DNAH8: variants seen among roughly 807,000 people sequenced by gnomAD.
The protein encoded by DNAH8 is dynein axonemal heavy chain 8.
Under a neutral mutation model 562.1 loss-of-function variants are expected in DNAH8, and 382 were observed. That is an observed-to-expected ratio of 0.68 (90% confidence interval 0.63 to 0.74). DNAH8 has a LOEUF of 0.74. Ranked by LOEUF, DNAH8 falls within the 30% of genes least tolerant of loss-of-function variation. The pLI is 0.00. For missense variants in DNAH8, 5,203 were observed against 5,620.4 expected, an observed-to-expected ratio of 0.93 and a Z score of 2.37; for synonymous variants, 1,881 against 1,919.4, an observed-to-expected ratio of 0.98 and a Z score of 0.52.
chr6:38,973,267 A>T (rs1430406866), intron 83 of DNAH8, among the ~76,000 whole-genome samples: 1 of 152,202 alleles, frequency 6.6e-6, no homozygotes, highest in Admixed American at 6.5e-5. Flanking sequence ...AACTATGAAT[A>T]ACTGTGAACC....
At chr6:38,968,139 T>C (rs937375862) in intron 82 of DNAH8, among the ~76,000 whole-genome samples, 2 of 151,990 alleles carry the variant, frequency 1.3e-5, no homozygotes, top group Non-Finnish European at 2.9e-5. Context: ...TACACAAAAA[T>C]TAACTCAAAA....
Position 39,023,267 on chromosome 6 carries a change from C to T in DNAH8, c.13715-3279C>T, listed in dbSNP as rs768434750. ...CAGCACTTTGGGAGGCCGAGGCAGG[C>T]GGATCACGAGGTCAGGAGATCGAGA... On this transcript the variant is annotated intron_variant, in intron 91 of 92. Coordinates refer to ENST00000327475, the MANE Select transcript of DNAH8 (RefSeq NM_001206927.2). Among the ~76,000 whole-genome samples the T allele has an allele frequency of 1.2e-3, 181 of 152,142 alleles. 1 individual carries two copies. Among genetic ancestry groups the T allele is most frequent in the Admixed American group, 3.7e-3 (57 of 15,294 alleles).
rs35716203 is a variant in DNAH8, at chr6:38,836,516, C to CAA, written c.4366-1412_4366-1411dup. ...AACAACAACAACAAAAAAACCATCT[C>CAA]AAAAAAAAAAAAAAAGGCAATGTAG... On this transcript the variant is annotated intron_variant, in intron 32 of 92. Coordinates refer to ENST00000327475, the MANE Select transcript of DNAH8 (RefSeq NM_001206927.2). 7.0e-3 allele frequency among the ~76,000 whole-genome samples: 909 copies of CAA among 129,256 alleles called. 11 individuals carry two copies. The highest frequency in any genetic ancestry group is 0.022 in the African/African-American group (763 of 34,040). The allele number at this position is 129,256 out of a possible 152,430, so 84.8% of individuals were successfully genotyped here.
chr6:38,921,533 A>C, intron 71 of DNAH8, 27 bp downstream of exon 71: 1 of 1,604,956 alleles, frequency 6.2e-7, no homozygotes, highest in Non-Finnish European at 8.5e-7. Flanking sequence ...AAAATCCCCA[A>C]AATGGTGTAC....
At chr6:38,775,718 C>T (rs751252684) in intron 12 of DNAH8, 36 bp from the exon 13 acceptor site, 32 of 1,370,394 alleles carry the variant, frequency 2.3e-5, no homozygotes, top group Non-Finnish European at 3.2e-5. Context: ...CCTGCTATCT[C>T]ATTTAAAAAA....
chr6:38,970,785 G>T (rs1053037910), intron 82 of DNAH8, among the ~76,000 whole-genome samples: 1 of 152,120 alleles, frequency 6.6e-6, no homozygotes, highest in Non-Finnish European at 1.5e-5. Flanking sequence ...GAAAATTTGG[G>T]TCCACAAGGG....
At chr6:38,830,902 G>A (rs530242138) in intron 30 of DNAH8, among the ~76,000 whole-genome samples, 237 of 152,022 alleles carry the variant, frequency 1.6e-3, no homozygotes, top group Middle Eastern at 6.8e-3. Flanking sequence ...TTCTTCTTGG[G>A]GTCATTTAGG....
chr6:38,869,445 T>C (rs1777298005), intron 48 of DNAH8, among the ~76,000 whole-genome samples: 1 of 152,092 alleles, frequency 6.6e-6, no homozygotes, highest in Non-Finnish European at 1.5e-5. Context: ...CCTTAGATAA[T>C]GGTATTTTGG....
At chr6:38,767,937 T>A (rs1275525731) in intron 11 of DNAH8, among the ~76,000 whole-genome samples, 1 of 152,232 alleles carries the variant, frequency 6.6e-6, no homozygotes, top group Admixed American at 6.5e-5. Context: ...GGGTTCCAAT[T>A]TCTTCATCTC....
chr6:38,748,753 C>T (rs1765169187), intron 8 of DNAH8, among the ~76,000 whole-genome samples: 1 of 37,296 alleles, frequency 2.7e-5, no homozygotes, highest in Non-Finnish European at 5.1e-5. Context: ...GACTCCGTCT[C>T]AAAATAATAA....
In DNAH8 at chr6:38,938,022, A is replaced by G. The variant is rs1388825549; in HGVS notation, c.11612A>G (p.Lys3871Arg). ...ESLIGVLRTT[K>R]QTAAEVSEKL... is the part of the protein sequence containing the mutation. ...CTCATTGGTGTACTTCGAACTACCA[A>G]GCAGACAGCAGCTGAGGTAAGTGAA... is the stretch of plus-strand genomic sequence containing the variant. The change falls in exon 78 of 93, where the codon AAG becomes AGG. Residue 3871 changes from lysine to arginine, a missense_variant. By Grantham distance (26) the Lys-to-Arg change is conservative (BLOSUM62 2). Coordinates refer to ENST00000327475, the MANE Select transcript of DNAH8 (RefSeq NM_001206927.2). The G allele has an allele frequency of 6.2e-7, 1 of 1,613,910 alleles. No individual in the cohort carries two copies. Among genetic ancestry groups the G allele is most frequent in the Non-Finnish European group, 8.5e-7 (1 of 1,180,010 alleles).
chr6:38,723,977 AATT>A (rs202211169), intron 3 of DNAH8, among the ~76,000 whole-genome samples: 25,374 of 146,462 alleles, frequency 0.17, 2,785 homozygotes, highest in Non-Finnish European at 0.25. Context: ...AAATTTAATT[AATT>A]AATTAATTAA....
intron 39 of DNAH8, among the ~76,000 whole-genome samples, chr6:38,852,325 T>C (rs1678745): frequency 0.073 from 11,130 of 151,508 alleles, 1,244 homozygotes; most frequent in African/African-American, 0.24. Flanking sequence ...GAAAAGAGAA[T>C]AGAAAGGCTC....
At chr6:38,940,578 A>G (rs1270547932) in intron 79 of DNAH8, among the ~76,000 whole-genome samples, 1 of 152,196 alleles carries the variant, frequency 6.6e-6, no homozygotes, top group African/African-American at 2.4e-5. Context: ...CATTGCTTCC[A>G]TAACTACTAT....
chr6:39,013,315 A>G lies in DNAH8; in HGVS notation c.13714+678A>G, dbSNP rs16891422. Among the ~76,000 whole-genome samples the G allele has an allele frequency of 1.4e-3, 213 of 152,372 alleles. 1 individual carries two copies. Among genetic ancestry groups the G allele is most frequent in the African/African-American group, 4.7e-3 (195 of 41,590 alleles). On this transcript the variant is annotated intron_variant, in intron 91 of 92. Coordinates refer to ENST00000327475, the MANE Select transcript of DNAH8 (RefSeq NM_001206927.2). ...AGAAATGTTGAATTCCTTATGGTTCAGCAGCTTATGGCTCCATTTGTAATA... is the reference window on the plus strand; with the variant it reads ...AGAAATGTTGAATTCCTTATGGTTCGGCAGCTTATGGCTCCATTTGTAATA...
At position 38,842,804 on chromosome 6, in the gene DNAH8, C is replaced by T. The variant is rs1184770810; in HGVS notation, c.4746C>T (p.Ile1582=). The change falls in exon 35 of 93, where the codon ATC becomes ATT. Residue 1582 remains isoleucine (I), a synonymous_variant. Transcript: ENST00000327475. ...TGAAACAGAGACACTGGGATAGAAT[C>T]TCCGAGTTAACTGGAACCCCATTTG... ...KAMKQRHWDR[I]SELTGTPFDV... The T allele has an allele frequency of 6.2e-7, 1 of 1,613,950 alleles. No homozygotes were observed. The highest frequency in any genetic ancestry group is 2.2e-5 in the East Asian group (1 of 44,824).
At position 38,855,889 on chromosome 6, in the gene DNAH8, G is replaced by A. The variant is rs142397313; in HGVS notation, c.5734-1629G>A. ...CGGCATGAGATTCTCAGAGGAGGGC[G>A]AACCCTATTGTGAACTGAACTGTGC... On this transcript the variant is annotated intron_variant, in intron 41 of 92. Coordinates refer to ENST00000327475, the MANE Select transcript of DNAH8 (RefSeq NM_001206927.2). Among the ~76,000 whole-genome samples the A allele has an allele frequency of 6.8e-3, 1,041 of 152,226 alleles. 13 individuals are homozygous for A. Among genetic ancestry groups the A allele is most frequent in the African/African-American group, 0.023 (955 of 41,528 alleles).
intron 21 of DNAH8, among the ~76,000 whole-genome samples, chr6:38,796,518 A>C (rs1201710320): frequency 6.6e-6 from 1 of 152,166 alleles, no homozygotes; most frequent in African/African-American, 2.4e-5. Flanking sequence ...GCAGAAATGA[A>C]ATCCACAGGC....
intron 82 of DNAH8, among the ~76,000 whole-genome samples, chr6:38,955,261 A>G (rs1762168440): frequency 6.6e-6 from 1 of 152,126 alleles, no homozygotes; most frequent in Non-Finnish European, 1.5e-5. Flanking sequence ...GGCATGAACC[A>G]CTTCATCTGG....
Sources: gnomAD v4.1 joint callset for allele counts (sites outside exome capture counted in the v4.1 genomes callset) on GRCh38, gnomAD v4.1.1 for gene constraint, MANE v1.5 for transcripts, NCBI Gene and HGNC (gene_info 2026-07-23, HGNC 2026-07-21) for gene names.